Variants in TTC34 observed in about 807,000 individuals in gnomAD.
TTC34 encodes the protein tetratricopeptide repeat protein 34.
Under a neutral mutation model 40.7 loss-of-function variants are expected in TTC34, and 44 were observed. The ratio of observed to expected loss-of-function variants is 1.08; its 90% CI spans 0.85 to 1.39. TTC34 has a LOEUF of 1.39. TTC34 is among the 40% of genes most tolerant of loss of function. The probability of loss-of-function intolerance (pLI) is 0.00; values close to 1 mark genes in which losing one functional copy is unlikely to be tolerated. For missense variants in TTC34, 884 were observed against 838.0 expected (o/e 1.05, Z -0.68); for synonymous variants, 422 against 398.6 (o/e 1.06, Z -0.70).
At chr1:2,697,251 T>A (rs1347883007) in intron 6 of TTC34, among the ~76,000 whole-genome samples, 1 of 75,852 alleles carries the variant, frequency 1.3e-5, no homozygotes, top group Non-Finnish European at 2.7e-5. Context: ...CACCCCCAGG[T>A]GAGCAAGTGA....
At chr1:2,649,166 C>T (rs1639077654) in intron 6 of TTC34, among the ~76,000 whole-genome samples, 1 of 150,978 alleles carries the variant, frequency 6.6e-6, no homozygotes, top group South Asian at 2.1e-4. Flanking sequence ...GTATCCACAC[C>T]CACAGATGAG....
At chr1:2,641,485 G>A (rs753491227) in exon 9 of TTC34, 40 of 1,535,592 alleles carry the variant, frequency 2.6e-5, no homozygotes, top group South Asian at 7.1e-5. Flanking sequence ...AGGCCTCTGC[G>A]TGACGCTGCT....
Position 2,645,574 on chromosome 1 carries a change from G to T in TTC34, c.2227-11C>A. 1 of 1,441,970 alleles carries T rather than the reference G, an allele frequency of 6.9e-7. No homozygotes were observed. The highest frequency in any genetic ancestry group is 9.1e-7 in the Non-Finnish European group (1 of 1,099,914). 89.3% of individuals were successfully genotyped at this position (1,441,970 alleles called of 1,614,324 possible). On this transcript the variant is annotated splice_polypyrimidine_tract_variant and intron_variant, in intron 6 of 8. Transcript: ENST00000401095. The surrounding 1 kb of genome is among the most constrained non-coding windows in gnomAD (Gnocchi z 4.7). ...GTCGTCCACGGCTTCCTGCAAGGAG[G>T]GAGGGCGGGCGGGTGCAGAGTTGTC...
intron 6 of TTC34, among the ~76,000 whole-genome samples, chr1:2,652,926 C>T (rs71514374): frequency 7.4e-5 from 3 of 40,620 alleles, no homozygotes; most frequent in Non-Finnish European, 1.9e-4. Context: ...AGCGCCCACA[C>T]CCCCAGGCGA....
At chr1:2,787,639 G>T (rs1401659710) in exon 4 of TTC34, 1 of 1,549,844 alleles carries the variant, frequency 6.5e-7, no homozygotes, top group Non-Finnish European at 8.7e-7. Flanking sequence ...GCCAGGAGGC[G>T]AGAGGCCTCG....
At chr1:2,784,360 T>C (rs1002745284) in intron 5 of TTC34, among the ~76,000 whole-genome samples, 31 of 151,898 alleles carry the variant, frequency 2.0e-4, no homozygotes, top group Non-Finnish European at 2.9e-5. Flanking sequence ...GAACCAGGAG[T>C]ATGGGAGGAA....
At chr1:2,790,294 C>A (rs911272266) in exon 3 of TTC34, 1 of 398,336 alleles carries the variant, frequency 2.5e-6, no homozygotes, top group African/African-American at 2.1e-5. Flanking sequence ...CCCGGCCGTC[C>A]AGGAAGAAGG....
At chr1:2,687,791 G>A (rs1242950711) in intron 6 of TTC34, among the ~76,000 whole-genome samples, 1 of 146,200 alleles carries the variant, frequency 6.8e-6, no homozygotes, top group Non-Finnish European at 1.5e-5. Flanking sequence ...CTGACAGCCT[G>A]GGTCGGCACC....
At position 2,797,665 on chromosome 1, in the gene TTC34, C is replaced by T. The variant is rs762822229; in HGVS notation, c.784+2379G>A. On this transcript the variant is annotated intron_variant, in intron 2 of 8. Transcript: ENST00000401095. Reference sequence around the variant, plus strand: ...GCCTCGTCTCAGGCACTCAGGGATCCGAGGGTGGCAGAGTGCTGGCAGTAG... The same window carrying T: ...GCCTCGTCTCAGGCACTCAGGGATCTGAGGGTGGCAGAGTGCTGGCAGTAG... Among the ~76,000 whole-genome samples, 43 of 152,142 alleles carry T rather than the reference C, an allele frequency of 2.8e-4. 1 individual carries two copies. Among genetic ancestry groups the T allele is most frequent in the Middle Eastern group, 3.4e-3 (1 of 294 alleles).
In TTC34 at chr1:2,769,506, C is replaced by A. The variant is rs1488420702; in HGVS notation, c.2226+14103G>T. On this transcript the variant is annotated intron_variant, in intron 6 of 8. Coordinates refer to ENST00000401095, the Ensembl canonical transcript of TTC34. ...TCTGACATCCTGGAACAGCACCCCA[C>A]ACCCCCAGTGAGCATCTGACAACCT... Among the ~76,000 whole-genome samples, 2 of 93,182 alleles carry A rather than the reference C, an allele frequency of 2.1e-5. 1 individual carries two copies. The highest frequency in any genetic ancestry group is 4.0e-5 in the Non-Finnish European group (2 of 49,900). 61.1% of individuals were successfully genotyped at this position (93,182 alleles called of 152,430 possible).
intron 6 of TTC34, among the ~76,000 whole-genome samples, chr1:2,749,650 G>T (rs1208494100): frequency 1.1e-5 from 1 of 90,716 alleles, no homozygotes; most frequent in African/African-American, 5.5e-5. Flanking sequence ...ACACCCAGAG[G>T]TGAGCATCCG....
intron 6 of TTC34, among the ~76,000 whole-genome samples, chr1:2,646,682 G>A (rs1320129638): frequency 6.6e-6 from 1 of 152,124 alleles, no homozygotes; most frequent in Non-Finnish European, 1.5e-5. Context: ...TACCACACCT[G>A]GCCTGTTTTT....
chr1:2,789,666 G>C, exon 3 of TTC34: 1 of 1,315,332 alleles, frequency 7.6e-7, no homozygotes, highest in Middle Eastern at 2.7e-4. Flanking sequence ...TTGGCGGCCA[G>C]CAGCGCCTCC....
In TTC34 at chr1:2,778,836, C is replaced by T. The variant is rs192467034; in HGVS notation, c.2226+4773G>A. ...AAATACATTCATCATGTTGTGTGGCCGTCACCACCATCCCTTTCCAGAACT... is the reference window on the plus strand; with the variant it reads ...AAATACATTCATCATGTTGTGTGGCTGTCACCACCATCCCTTTCCAGAACT... On this transcript the variant is annotated intron_variant, in intron 6 of 8. Transcript: ENST00000401095. Among the ~76,000 whole-genome samples, 734 of 152,266 alleles carry T rather than the reference C, an allele frequency of 4.8e-3. 6 individuals are homozygous for T. Among genetic ancestry groups the T allele is most frequent in the African/African-American group, 0.017 (699 of 41,552 alleles).
chr1:2,691,602 A>T (rs1640621133), intron 6 of TTC34, among the ~76,000 whole-genome samples: 2 of 122,268 alleles, frequency 1.6e-5, no homozygotes, highest in Admixed American at 8.6e-5. Context: ...AGACCCTGAC[A>T]GCCTGGAACA....
At position 2,786,087 on chromosome 1, in the gene TTC34, C is replaced by T. The variant is rs1643584637; in HGVS notation, c.1855-64G>A. ...CCGATGCCCTGGAGCCCACCCTGTA[C>T]TGACGCCCCTGGCCATCCCCCACCC... On this transcript the variant is annotated intron_variant, in intron 4 of 8. Coordinates refer to ENST00000401095, the Ensembl canonical transcript of TTC34. 3.0e-6 allele frequency: 4 copies of T among 1,337,018 alleles called. No individual in the cohort carries two copies. The African/African-American group carries it at 4.6e-5, about 15-fold the overall frequency. The allele number at this position is 1,337,018 out of a possible 1,614,324, so 82.8% of individuals were successfully genotyped here.
chr1:2,681,663 A>C, intron 6 of TTC34, among the ~76,000 whole-genome samples: 1 of 75,424 alleles, frequency 1.3e-5, no homozygotes, highest in African/African-American at 4.4e-5. Context: ...CAGCATCCAC[A>C]CCCCCAGGTG....
chr1:2,753,311 C>G (rs1356319509), intron 6 of TTC34, among the ~76,000 whole-genome samples: 2 of 46,408 alleles, frequency 4.3e-5, no homozygotes, highest in Non-Finnish European at 8.4e-5. Context: ...GGTGAGCATC[C>G]GACAGCCTGG....
chr1:2,692,414 G>A (rs572440995), intron 6 of TTC34, among the ~76,000 whole-genome samples: 2 of 101,418 alleles, frequency 2.0e-5, no homozygotes, highest in East Asian at 2.5e-4. Flanking sequence ...GCCTGGAGCA[G>A]CACCCACACC....
Sources: gnomAD v4.1 joint callset for allele counts (sites outside exome capture counted in the v4.1 genomes callset) on GRCh38, gnomAD v4.1.1 for gene constraint, Gnocchi (gnomAD v3.1) non-coding constraint, MANE v1.5 for transcripts, NCBI Gene and HGNC (gene_info 2026-07-23, HGNC 2026-07-21) for gene names.